The following GARIN2 variants were observed in gnomAD, a reference collection of about 807,000 sequenced individuals.
The protein encoded by GARIN2 is Golgi-associated RAB2 interactor protein 2.
chr14:67,191,193 CACTGCACTCCAGCCTG>C, the GARIN2 span, among the ~76,000 whole-genome samples: 1 of 152,152 alleles, frequency 6.6e-6, no homozygotes. Context: ...AAGATCACAC[CACTGCACTCCAGCCTG>C]GGTGATGGAG....
the GARIN2 span, among the ~76,000 whole-genome samples, chr14:67,222,689 T>C: frequency 2.6e-5 from 4 of 152,188 alleles, no homozygotes; most frequent in African/African-American, 4.8e-5. Context: ...GGTTGTCTTA[T>C]AGGCACCTCT....
chr14:67,225,001 A>C, the GARIN2 span: 2 of 798,140 alleles, frequency 2.5e-6, no homozygotes, highest in Non-Finnish European at 1.9e-6. Context: ...ATTCAAAATA[A>C]GCTCTTTCTC....
chr14:67,206,206 A>G, the GARIN2 span, among the ~76,000 whole-genome samples: 2 of 151,848 alleles, frequency 1.3e-5, no homozygotes, highest in African/African-American at 4.8e-5. Context: ...AAAAGAAAAG[A>G]AAGATGGTAG....
the GARIN2 span, among the ~76,000 whole-genome samples, chr14:67,191,844 C>A: frequency 2.6e-5 from 4 of 152,206 alleles, no homozygotes; most frequent in African/African-American, 7.2e-5. Context: ...AGGAATCTCT[C>A]TTTTCTTTTA....
At chr14:67,216,007 G>A in the GARIN2 span, among the ~76,000 whole-genome samples, 4 of 151,768 alleles carry the variant, frequency 2.6e-5, no homozygotes, top group Admixed American at 6.6e-5. Flanking sequence ...TATTTTTTGC[G>A]TGCAGTTTTA....
the GARIN2 span, among the ~76,000 whole-genome samples, chr14:67,227,897 C>T: frequency 9.9e-5 from 15 of 152,158 alleles, no homozygotes; most frequent in African/African-American, 3.6e-4. Flanking sequence ...TGGCCGGGTG[C>T]GGTGGCTCAC....
At chr14:67,222,999 CTTT>C in the GARIN2 span, among the ~76,000 whole-genome samples, 2 of 124,772 alleles carry the variant, frequency 1.6e-5, no homozygotes, top group Non-Finnish European at 3.3e-5. Flanking sequence ...TCCCATTGGG[CTTT>C]TTTTTTTTTT....
At chr14:67,221,288 C>G in the GARIN2 span, among the ~76,000 whole-genome samples, 1 of 152,182 alleles carries the variant, frequency 6.6e-6, no homozygotes, top group Non-Finnish European at 1.5e-5. Flanking sequence ...CTGGTAAAGC[C>G]AAAGACTTGG....
the GARIN2 span, among the ~76,000 whole-genome samples, chr14:67,211,926 T>C: frequency 6.6e-6 from 1 of 152,236 alleles, no homozygotes. Flanking sequence ...TTGTGAAGTC[T>C]GTCCCTGCAA....
chr14:67,200,933 C>G, the GARIN2 span, among the ~76,000 whole-genome samples: 1 of 152,304 alleles, frequency 6.6e-6, no homozygotes, highest in East Asian at 1.9e-4. Flanking sequence ...ATGCACAACC[C>G]CACCTGGTTA....
chr14:67,201,753 T>A, the GARIN2 span: 1 of 329,670 alleles, frequency 3.0e-6, no homozygotes, highest in Admixed American at 4.0e-5. Flanking sequence ...TTTGGGTAAG[T>A]TATCAATAGT....
the GARIN2 span, among the ~76,000 whole-genome samples, chr14:67,196,223 C>CCT: frequency 7.0e-6 from 1 of 143,118 alleles, no homozygotes; most frequent in African/African-American, 2.6e-5. Flanking sequence ...TTCTTTCTTT[C>CCT]TTTTTTTTTT....
At chr14:67,218,685 G>A in the GARIN2 span, among the ~76,000 whole-genome samples, 2 of 152,090 alleles carry the variant, frequency 1.3e-5, no homozygotes, top group African/African-American at 4.8e-5. Flanking sequence ...GTAGGGGATG[G>A]AGGCACTGCG....
the GARIN2 span, among the ~76,000 whole-genome samples, chr14:67,193,445 A>G: frequency 7.0e-6 from 1 of 143,068 alleles, no homozygotes; most frequent in Non-Finnish European, 1.5e-5. Context: ...ATCTAGATAC[A>G]GATCTCTATA....
At chr14:67,208,590 T>C in the GARIN2 span, 1 of 950,098 alleles carries the variant, frequency 1.1e-6, no homozygotes, top group Non-Finnish European at 1.5e-6. Flanking sequence ...GATGATATAG[T>C]CAACTCTGAA....
the GARIN2 span, chr14:67,201,385 C>A: frequency 8.1e-4 from 370 of 454,402 alleles, no homozygotes; most frequent in African/African-American, 6.7e-3. Context: ...CAGCTCACTC[C>A]CAGTAGAAGA....
chr14:67,200,562 G>A, the GARIN2 span: 1 of 233,328 alleles, frequency 4.3e-6, no homozygotes, highest in Non-Finnish European at 8.1e-6. Context: ...AAAAAAAAAT[G>A]TAAGGAGACT....
the GARIN2 span, chr14:67,197,316 A>T: frequency 6.6e-6 from 1 of 152,090 alleles, no homozygotes; most frequent in East Asian, 1.9e-4. Context: ...TGAGTTAAAA[A>T]CTTCATCTCC....
At chr14:67,204,696 C>T in the GARIN2 span, 108 of 1,613,870 alleles carry the variant, frequency 6.7e-5, no homozygotes, top group Middle Eastern at 2.8e-3. Flanking sequence ...TCATCTCCCT[C>T]TTGAATCAGG....
Sources: gnomAD v4.1 joint callset for allele counts (sites outside exome capture counted in the v4.1 genomes callset) on GRCh38, gnomAD v4.1.1 for gene constraint, MANE v1.5 for transcripts, NCBI Gene and HGNC (gene_info 2026-07-23, HGNC 2026-07-21) for gene names.